Variants in RMDN2 observed in about 807,000 individuals in gnomAD.
RMDN2 encodes regulator of microtubule dynamics protein 2.
A neutral mutation model predicts 52.8 loss-of-function variants in RMDN2; 61 were observed. The ratio of observed to expected loss-of-function variants is 1.16; its 90% CI spans 0.94 to 1.43. The LOEUF (loss-of-function observed/expected upper bound fraction) is 1.43, where lower values mean the gene tolerates loss of function less well. RMDN2 is among the 40% of genes most tolerant of loss of function. RMDN2 has a pLI of 0.00. For missense variants in RMDN2, 592 were observed against 475.3 expected (o/e 1.25, Z -2.28); for synonymous variants, 180 against 153.1 (o/e 1.18, Z -1.30).
intron 2 of RMDN2, among the ~76,000 whole-genome samples, chr2:37,958,870 G>C (rs1457060960): frequency 6.6e-6 from 1 of 150,814 alleles, no homozygotes; most frequent in Non-Finnish European, 1.5e-5. Flanking sequence ...TTTATTGAAG[G>C]CCTTTTCTGC....
At chr2:37,966,099 G>T (rs1231924371) in intron 2 of RMDN2, among the ~76,000 whole-genome samples, 1 of 151,894 alleles carries the variant, frequency 6.6e-6, no homozygotes. Context: ...GGATCTTTTT[G>T]GGTTTATCCC....
chr2:38,015,573 A>AG (rs1435595097), intron 10 of RMDN2, among the ~76,000 whole-genome samples: 1 of 152,076 alleles, frequency 6.6e-6, no homozygotes, highest in East Asian at 1.9e-4. Context: ...CAAAAAAAAA[A>AG]AAAAAGAAAA....
At chr2:37,970,990 T>G (rs1345863044) in intron 2 of RMDN2, among the ~76,000 whole-genome samples, 1 of 150,220 alleles carries the variant, frequency 6.7e-6, no homozygotes, top group Non-Finnish European at 1.5e-5. Context: ...ACATATTTTC[T>G]TCTATTCTGT....
rs182074868 is a variant in RMDN2 at position 37,964,223 on chromosome 2, C to T, written c.453-9817C>T. On this transcript the variant is annotated intron_variant, in intron 2 of 10. Transcript: ENST00000354545. Reference sequence around the variant, plus strand: ...GGGGCTCCTCACTTCTCAGACAGGGCGGCTGCCGGGCGGAGGGGCTCCTCC... The same window carrying T: ...GGGGCTCCTCACTTCTCAGACAGGGTGGCTGCCGGGCGGAGGGGCTCCTCC... Among the ~76,000 whole-genome samples, 520 of 151,964 alleles carry T rather than the reference C, an allele frequency of 3.4e-3. 2 individuals carry two copies. Among genetic ancestry groups the T allele is most frequent in the African/African-American group, 0.012 (490 of 41,444 alleles).
intron 5 of RMDN2, among the ~76,000 whole-genome samples, chr2:37,983,581 C>G (rs559598492): frequency 6.6e-6 from 1 of 152,124 alleles, no homozygotes; most frequent in African/African-American, 2.4e-5. Context: ...ATTTAAATGT[C>G]AATTTAATCT....
chr2:38,045,549 A>G (rs1216681694), intron 10 of RMDN2, among the ~76,000 whole-genome samples: 1 of 152,226 alleles, frequency 6.6e-6, no homozygotes, highest in Non-Finnish European at 1.5e-5. Context: ...CCTCTTCCCA[A>G]CCACCCTCCA....
chr2:37,961,287 C>T (rs1352732537), intron 2 of RMDN2, among the ~76,000 whole-genome samples: 1 of 152,018 alleles, frequency 6.6e-6, no homozygotes, highest in Admixed American at 6.6e-5. Context: ...GAGTGTTTTC[C>T]AACTTGGTTC....
rs1441472062 is a variant in RMDN2 at position 37,989,591 on chromosome 2, A to C, written c.842A>C (p.Lys281Thr). Residue 281 changes from lysine (K) to threonine (T), a missense_variant, in exon 6 of 11, where the codon AAA becomes ACA. Lys to Thr is a moderately conservative substitution (Grantham distance 78, BLOSUM62 -1). Coordinates refer to ENST00000354545, the MANE Select transcript of RMDN2 (RefSeq NM_001170791.3). ...YVSEFEGLQN[K>T]INYGHLFKEH... ...TCTGAGTTTGAGGGTTTACAAAACA[A>C]AATCAACTATGGGCACCTCTTCAAG... 5 of 1,611,024 alleles carry C rather than the reference A, an allele frequency of 3.1e-6. No individual in the cohort carries two copies. Among genetic ancestry groups the C allele is most frequent in the Non-Finnish European group, 3.4e-6 (4 of 1,178,770 alleles).
chr2:37,980,140 C>T (rs1349747520), intron 4 of RMDN2, among the ~76,000 whole-genome samples: 1 of 151,894 alleles, frequency 6.6e-6, no homozygotes, highest in Admixed American at 6.6e-5. Flanking sequence ...TTTGCATATC[C>T]TTGGATAGTC....
chr2:37,951,442 G>C, intron 2 of RMDN2: 1 of 1,612,442 alleles, frequency 6.2e-7, no homozygotes, highest in South Asian at 1.1e-5. Context: ...TCTGAAAGAA[G>C]ATATTCTTTA....
At chr2:37,981,823 A>C (rs1264780534) in intron 5 of RMDN2, among the ~76,000 whole-genome samples, 2 of 151,888 alleles carry the variant, frequency 1.3e-5, no homozygotes, top group African/African-American at 4.8e-5. Flanking sequence ...AAATATCCTT[A>C]GAGCAAAAAA....
chr2:37,931,535 GA>G (rs1348759603), intron 2 of RMDN2, among the ~76,000 whole-genome samples: 1 of 152,242 alleles, frequency 6.6e-6, no homozygotes, highest in Non-Finnish European at 1.5e-5. Context: ...TCTGCTGAAG[GA>G]GTATAGACCA....
chr2:38,021,210 T>C (rs2125257541), downstream of RMDN2, among the ~76,000 whole-genome samples: 1 of 152,268 alleles, frequency 6.6e-6, no homozygotes, highest in South Asian at 2.1e-4. Flanking sequence ...AACTTTTGTG[T>C]CTAGCTCAGG....
At position 37,991,289 on chromosome 2, in the gene RMDN2, T is replaced by A. The variant is rs1211636289; in HGVS notation, c.937T>A (p.Cys313Ser). ...TCTATATTACCTCAAAGGGAGATAC[T>A]GCTATACTGTAAGTTGAATGCCTTT... The part of the protein sequence containing the change: ...PFLYYLKGRY[C>S]YTVSKLSWIE... Residue 313 changes from cysteine to serine, a missense_variant, in exon 7 of 11, where the codon TGC becomes AGC. Transcript: ENST00000354545. The A allele has an allele frequency of 6.6e-7, 1 of 1,514,144 alleles. No individual in the cohort carries two copies. Among genetic ancestry groups the A allele is most frequent in the Non-Finnish European group, 9.0e-7 (1 of 1,114,920 alleles). The allele number at this position is 1,514,144 out of a possible 1,614,324, so 93.8% of individuals were successfully genotyped here.
rs117634307 is a variant in RMDN2 at position 37,947,327 on chromosome 2, A to G, written c.452+17598A>G. 2.4e-4 allele frequency among the ~76,000 whole-genome samples: 37 copies of G among 152,348 alleles called. No individual in the cohort carries two copies. In the East Asian group the frequency reaches 7.1e-3, roughly 29 times the overall value. On this transcript the variant is annotated intron_variant, in intron 2 of 10. Transcript: ENST00000354545. ...TTTCTGTTTCTGAGTTATTCAGTGAATTAATTTTAATAAACTTCTTTCTCT... is the reference window on the plus strand; with the variant it reads ...TTTCTGTTTCTGAGTTATTCAGTGAGTTAATTTTAATAAACTTCTTTCTCT...
chr2:37,960,587 CTT>C (rs1179937189), intron 2 of RMDN2, among the ~76,000 whole-genome samples: 3 of 152,080 alleles, frequency 2.0e-5, no homozygotes, highest in African/African-American at 4.8e-5. Context: ...GGTCTTGACT[CTT>C]TATCCAATTT....
At chr2:38,066,931 C>G (rs1682307882) in intron 10 of RMDN2, 1 of 1,605,512 alleles carries the variant, frequency 6.2e-7, no homozygotes, top group Non-Finnish European at 8.5e-7. Context: ...GCCAAAGTTT[C>G]AATGCCATTT....
intron 8 of RMDN2, among the ~76,000 whole-genome samples, chr2:38,003,235 G>C (rs897164058): frequency 1.3e-5 from 2 of 152,204 alleles, no homozygotes; most frequent in African/African-American, 4.8e-5. Flanking sequence ...TGGGGTACCA[G>C]TCATGCTCTA....
intron 10 of RMDN2, among the ~76,000 whole-genome samples, chr2:38,043,191 A>G (rs911654318): frequency 6.6e-6 from 1 of 152,180 alleles, no homozygotes; most frequent in Non-Finnish European, 1.5e-5. Context: ...GTGTGTACAC[A>G]TTGAGGATTG....
Sources: allele counts gnomAD v4.1 joint callset (sites outside exome capture counted in the v4.1 genomes callset), GRCh38; gene constraint gnomAD v4.1.1; transcripts MANE v1.5; gene names NCBI Gene and HGNC (gene_info 2026-07-23, HGNC 2026-07-21).